ANXA10: variants seen among roughly 807,000 people sequenced by gnomAD.
The protein encoded by ANXA10 is annexin A10, also known as annexin 14.
A neutral mutation model predicts 53.5 loss-of-function variants in ANXA10; 49 were observed. The ratio of observed to expected loss-of-function variants is 0.92; its 90% CI spans 0.73 to 1.16. The LOEUF is 1.16. Ranked by LOEUF, ANXA10 falls within the 50% of genes most tolerant of loss-of-function variation. The pLI, the probability that ANXA10 is intolerant of heterozygous loss-of-function variation, is 0.00. For missense variants in ANXA10, 393 were observed against 394.4 expected, an observed-to-expected ratio of 1.00 and a Z score of 0.03; for synonymous variants, 131 against 128.9, an observed-to-expected ratio of 1.02 and a Z score of -0.11.
chr4:168,104,333 A>T (rs1304663516), intron 1 of ANXA10, among the ~76,000 whole-genome samples: 1 of 151,862 alleles, frequency 6.6e-6, no homozygotes, highest in Non-Finnish European at 1.5e-5. Flanking sequence ...ATTTATGTTC[A>T]TAAGGGTTAC....
At chr4:168,127,391 C>A (rs1248056395) in intron 1 of ANXA10, among the ~76,000 whole-genome samples, 1 of 152,054 alleles carries the variant, frequency 6.6e-6, no homozygotes, top group Non-Finnish European at 1.5e-5. Flanking sequence ...AATCCAAATT[C>A]AATTATTTTT....
intron 6 of ANXA10, among the ~76,000 whole-genome samples, chr4:168,174,867 T>C (rs2149480014): frequency 6.6e-6 from 1 of 152,332 alleles, no homozygotes; most frequent in African/African-American, 2.4e-5. Context: ...CTAAACCTGA[T>C]ATGTATATTA....
At chr4:168,123,087 A>G in intron 1 of ANXA10, among the ~76,000 whole-genome samples, 1 of 152,166 alleles carries the variant, frequency 6.6e-6, no homozygotes, top group Admixed American at 6.5e-5. Flanking sequence ...GAAGCAGGAA[A>G]CCACGTAGGT....
At chr4:168,114,025 T>C (rs1224408359) in intron 1 of ANXA10, among the ~76,000 whole-genome samples, 3 of 152,222 alleles carry the variant, frequency 2.0e-5, no homozygotes, top group East Asian at 1.9e-4. Flanking sequence ...ATTGGCTTCT[T>C]GTATTTAATT....
intron 2 of ANXA10, among the ~76,000 whole-genome samples, chr4:168,137,999 T>C (rs1249537497): frequency 6.6e-6 from 1 of 151,580 alleles, no homozygotes; most frequent in South Asian, 2.1e-4. Flanking sequence ...TCTTACTCTG[T>C]TGCCCAGGCT....
intron 6 of ANXA10, among the ~76,000 whole-genome samples, chr4:168,165,803 T>C (rs1171574389): frequency 6.6e-6 from 1 of 151,900 alleles, no homozygotes; most frequent in African/African-American, 2.4e-5. Context: ...CAGCCTCCCA[T>C]GTAGCTGGGA....
chr4:168,114,994 C>T (rs1241982670), intron 1 of ANXA10, among the ~76,000 whole-genome samples: 1 of 152,030 alleles, frequency 6.6e-6, no homozygotes, highest in Non-Finnish European at 1.5e-5. Context: ...CTCAAAAATC[C>T]TCCCATCTCA....
chr4:168,118,475 A>C (rs1730933302), intron 1 of ANXA10, among the ~76,000 whole-genome samples: 1 of 152,154 alleles, frequency 6.6e-6, no homozygotes, highest in Non-Finnish European at 1.5e-5. Context: ...GAACAACCTG[A>C]GAAGTGACTG....
chr4:168,176,029 G>A (rs751285354), intron 6 of ANXA10, among the ~76,000 whole-genome samples: 10 of 152,134 alleles, frequency 6.6e-5, no homozygotes, highest in Admixed American at 5.2e-4. Flanking sequence ...ATTGGGTTAA[G>A]TATTTGACTC....
At chr4:168,187,736 AC>A (rs551142370), downstream of ANXA10, 24 of 196,168 alleles carry the variant, frequency 1.2e-4, no homozygotes, top group East Asian at 2.3e-3. Flanking sequence ...TCAACAACCT[AC>A]AACAAGAGAG....
intron 6 of ANXA10, among the ~76,000 whole-genome samples, chr4:168,176,346 G>C (rs141501716): frequency 4.6e-4 from 70 of 152,262 alleles, no homozygotes; most frequent in African/African-American, 1.5e-3. Context: ...AAACTGACCA[G>C]TTTGGTCAGA....
intron 1 of ANXA10, among the ~76,000 whole-genome samples, chr4:168,118,257 G>T (rs1179272172): frequency 6.6e-6 from 1 of 152,132 alleles, no homozygotes; most frequent in Non-Finnish European, 1.5e-5. Flanking sequence ...GCAAAGAAAT[G>T]AGCTTTCAAA....
intron 1 of ANXA10, among the ~76,000 whole-genome samples, chr4:168,109,912 C>T (rs1002432462): frequency 5.3e-5 from 8 of 152,164 alleles, no homozygotes; most frequent in East Asian, 3.9e-4. Context: ...TATAATGCAT[C>T]AATAAACTTC....
intron 6 of ANXA10, among the ~76,000 whole-genome samples, chr4:168,167,098 T>C (rs1247002816): frequency 1.3e-5 from 2 of 152,166 alleles, no homozygotes; most frequent in African/African-American, 2.4e-5. Context: ...CCATGAGTTA[T>C]TGGATTTGTT....
At chr4:168,156,443 T>G (rs1233215148) in intron 3 of ANXA10, among the ~76,000 whole-genome samples, 1 of 127,800 alleles carries the variant, frequency 7.8e-6, no homozygotes, top group African/African-American at 3.0e-5. Context: ...ATATATAATT[T>G]TATATATATA....
intron 3 of ANXA10, among the ~76,000 whole-genome samples, chr4:168,150,408 T>C (rs1038938140): frequency 2.0e-5 from 3 of 152,190 alleles, no homozygotes; most frequent in Non-Finnish European, 2.9e-5. Flanking sequence ...ATTTTTATAA[T>C]ACTGTCAGCT....
intron 11 of ANXA10, among the ~76,000 whole-genome samples, chr4:168,186,923 G>T (rs1056217933): frequency 5.3e-5 from 8 of 151,872 alleles, no homozygotes; most frequent in Non-Finnish European, 1.2e-4. Context: ...ATCAATGATT[G>T]ATAATAACTT....
intron 1 of ANXA10, among the ~76,000 whole-genome samples, chr4:168,120,715 A>G (rs1172483598): frequency 1.3e-5 from 2 of 152,112 alleles, no homozygotes; most frequent in Non-Finnish European, 2.9e-5. Flanking sequence ...TCTAAAATTG[A>G]AAAATTGTTT....
intron 1 of ANXA10, among the ~76,000 whole-genome samples, chr4:168,110,493 T>C (rs1024914152): frequency 4.0e-5 from 6 of 151,078 alleles, no homozygotes; most frequent in African/African-American, 1.2e-4. Context: ...TTGACTAGAA[T>C]AGAAATGCTG....
Sources: allele counts gnomAD v4.1 joint callset (sites outside exome capture counted in the v4.1 genomes callset), GRCh38; gene constraint gnomAD v4.1.1; transcripts MANE v1.5; gene names NCBI Gene and HGNC (gene_info 2026-07-23, HGNC 2026-07-21).